ITPR2: variants seen among roughly 807,000 people sequenced by gnomAD.
ITPR2 encodes inositol 1,4,5-trisphosphate-gated calcium channel ITPR2.
In ITPR2, 207 loss-of-function variants were observed where a neutral mutation model predicts 317.1. The observed-to-expected ratio is 0.65, with a 90% confidence interval of 0.58 to 0.73. ITPR2 has a LOEUF of 0.73. Among genes scored for constraint, ITPR2 ranks in the 30% least tolerant of loss-of-function variants. The probability of loss-of-function intolerance (pLI) is 0.00; values close to 1 mark genes in which losing one functional copy is unlikely to be tolerated. For synonymous variants in ITPR2, 1,156 were observed against 1,149.1 expected (o/e 1.01, Z -0.12); for missense variants, 2,613 against 3,284.0 (o/e 0.80, Z 4.99).
chr12:26,433,325 T>C (rs1941266014), intron 48 of ITPR2, among the ~76,000 whole-genome samples: 1 of 152,180 alleles, frequency 6.6e-6, no homozygotes. Context: ...AAGTAAAGTC[T>C]GCATCTGCAC....
rs993046466 is a variant in ITPR2, at chr12:26,814,997, T to C, written c.92+17693A>G. Among the ~76,000 whole-genome samples the C allele has an allele frequency of 7.9e-5, 12 of 152,254 alleles. 1 individual carries two copies. The highest frequency in any genetic ancestry group is 7.2e-4 in the Admixed American group (11 of 15,290). On this transcript the variant is annotated intron_variant, in intron 1 of 56. Transcript: ENST00000381340. ...AATTATCCAAACTAGATAAGTGTTT[T>C]TGCCAATTCCTCTAACAGTCACAGA...
chr12:26,407,681 G>A (rs1381771058), intron 52 of ITPR2, among the ~76,000 whole-genome samples: 1 of 152,176 alleles, frequency 6.6e-6, no homozygotes, highest in Non-Finnish European at 1.5e-5. Flanking sequence ...TTAATTAGGA[G>A]GCAATAAGAC....
rs116771998 is a variant in ITPR2, at chr12:26,387,650, T to C, written c.7697-56A>G. 2.6e-3 allele frequency: 3,874 copies of C among 1,501,990 alleles called. 76 individuals are homozygous for C. In the African/African-American group the frequency reaches 0.047, roughly 18 times the overall value. 93.0% of individuals were successfully genotyped at this position (1,501,990 alleles called of 1,614,324 possible). On this transcript the variant is annotated intron_variant, in intron 54 of 56. Coordinates refer to ENST00000381340, the MANE Select transcript of ITPR2 (RefSeq NM_002223.4). ...ATTCGTCATTTAATCAGTACTTGCT[T>C]CTTAGCATAAAAACAAAACACAATA...
At chr12:26,766,832 T>C (rs1210258730) in intron 2 of ITPR2, among the ~76,000 whole-genome samples, 1 of 152,156 alleles carries the variant, frequency 6.6e-6, no homozygotes, top group African/African-American at 2.4e-5. Flanking sequence ...AGATTTCCTA[T>C]ATTCTAAAGA....
At chr12:26,512,413 A>T (rs1591843637) in intron 37 of ITPR2, among the ~76,000 whole-genome samples, 3 of 152,160 alleles carry the variant, frequency 2.0e-5, no homozygotes, top group African/African-American at 7.2e-5. Flanking sequence ...CCTATTGCTT[A>T]TGTAAAAATG....
intron 2 of ITPR2, among the ~76,000 whole-genome samples, chr12:26,732,754 C>G (rs576461986): frequency 6.6e-6 from 1 of 152,266 alleles, no homozygotes; most frequent in African/African-American, 2.4e-5. Flanking sequence ...CATAATCTGT[C>G]TCTGTTTAAA....
chr12:26,652,856 C>T (rs1017304477), intron 21 of ITPR2, among the ~76,000 whole-genome samples: 1 of 152,238 alleles, frequency 6.6e-6, no homozygotes, highest in Non-Finnish European at 1.5e-5. Context: ...TCCAAGTGCA[C>T]TCTTCGATAT....
At chr12:26,709,792 A>C (rs1948614453) in intron 9 of ITPR2, among the ~76,000 whole-genome samples, 1 of 152,176 alleles carries the variant, frequency 6.6e-6, no homozygotes, top group Non-Finnish European at 1.5e-5. Flanking sequence ...CTACCTTACT[A>C]ATGATTTTTG....
chr12:26,500,744 A>G (rs1943053537), intron 37 of ITPR2, among the ~76,000 whole-genome samples: 1 of 152,204 alleles, frequency 6.6e-6, no homozygotes, highest in Admixed American at 6.5e-5. Flanking sequence ...ATGCATCAAA[A>G]ATTAAAAAGT....
chr12:26,447,157 T>C (rs1483589268), intron 45 of ITPR2, among the ~76,000 whole-genome samples: 4 of 152,072 alleles, frequency 2.6e-5, no homozygotes, highest in Admixed American at 6.6e-5. Context: ...CAATAAATAT[T>C]TGTTGAAATC....
chr12:26,528,490 A>T (rs1943864205), intron 37 of ITPR2, among the ~76,000 whole-genome samples: 1 of 152,214 alleles, frequency 6.6e-6, no homozygotes, highest in African/African-American at 2.4e-5. Context: ...ACCTGAAGGA[A>T]GAAGTTGTAC....
At chr12:26,721,972 C>A (rs1457907375) in intron 5 of ITPR2, among the ~76,000 whole-genome samples, 1 of 152,132 alleles carries the variant, frequency 6.6e-6, no homozygotes, top group Non-Finnish European at 1.5e-5. Context: ...TATAGACTGT[C>A]AGCAGCTGGC....
chr12:26,384,868 T>C (rs1939621567), intron 55 of ITPR2, among the ~76,000 whole-genome samples: 1 of 152,208 alleles, frequency 6.6e-6, no homozygotes, highest in Admixed American at 6.5e-5. Context: ...TTTCTTCTTT[T>C]TCCTGAATGG....
intron 32 of ITPR2, among the ~76,000 whole-genome samples, chr12:26,581,293 T>C (rs1945397799): frequency 1.3e-5 from 2 of 152,160 alleles, no homozygotes; most frequent in African/African-American, 4.8e-5. Flanking sequence ...ATGCCAGCAT[T>C]TGCCAAATGG....
At chr12:26,819,859 T>C (rs1249329555) in intron 1 of ITPR2, among the ~76,000 whole-genome samples, 4 of 151,620 alleles carry the variant, frequency 2.6e-5, no homozygotes, top group East Asian at 3.9e-4. Context: ...TTGAGGCCAG[T>C]AGGTTGAGAC....
chr12:26,789,531 A>G (rs12312319), intron 2 of ITPR2, among the ~76,000 whole-genome samples: 35,048 of 152,110 alleles, frequency 0.23, 4,323 homozygotes, highest in Non-Finnish European at 0.28. Context: ...TGTACCAATT[A>G]TGAAATTGAT....
chr12:26,512,433 T>C (rs192248753), intron 37 of ITPR2, among the ~76,000 whole-genome samples: 1 of 152,318 alleles, frequency 6.6e-6, no homozygotes, highest in Admixed American at 6.5e-5. Flanking sequence ...GCAGATTCAC[T>C]GGGCCAGACT....
At chr12:26,365,807 C>T (rs532532270) in intron 55 of ITPR2, among the ~76,000 whole-genome samples, 9 of 152,176 alleles carry the variant, frequency 5.9e-5, no homozygotes, top group South Asian at 2.1e-4. Context: ...AGCCAATGAG[C>T]GTGCAAAGGA....
chr12:26,516,295 A>AGGAAG (rs1943506957), intron 37 of ITPR2, among the ~76,000 whole-genome samples: 6 of 52,550 alleles, frequency 1.1e-4, no homozygotes, highest in South Asian at 8.9e-4. Context: ...GGGAAAGGAA[A>AGGAAG]GGAAAGGAAA....
Sources: gnomAD v4.1 joint callset for allele counts (sites outside exome capture counted in the v4.1 genomes callset) on GRCh38, gnomAD v4.1.1 for gene constraint, MANE v1.5 for transcripts, NCBI Gene and HGNC (gene_info 2026-07-23, HGNC 2026-07-21) for gene names.